Variants in RAPGEF2 observed in about 807,000 individuals in gnomAD.
The protein encoded by RAPGEF2 is PDZ domain containing guanine nucleotide exchange factor (GEF) 1.
RAPGEF2 carries 54 observed loss-of-function variants against 186.7 expected under a neutral mutation model. The ratio of observed to expected loss-of-function variants is 0.29; its 90% CI spans 0.23 to 0.36. RAPGEF2 has a LOEUF of 0.36. RAPGEF2 is among the 10% of genes least tolerant of loss of function. The pLI is 1.00. For synonymous variants in RAPGEF2, 712 were observed against 705.9 expected (o/e 1.01, Z -0.14); for missense variants, 1,532 against 2,045.0 (o/e 0.75, Z 4.84).
At chr4:159,355,757 C>A (rs1731887527) in intron 28 of RAPGEF2, 96 bp from the exon 29 acceptor site, 5 of 1,160,906 alleles carry the variant, frequency 4.3e-6, no homozygotes, top group Non-Finnish European at 6.1e-6. Flanking sequence ...TCTGCTGCTA[C>A]ACTGTGGATG....
chr4:159,206,664 C>T (rs546404051), intron 3 of RAPGEF2, among the ~76,000 whole-genome samples: 146 of 152,300 alleles, frequency 9.6e-4, no homozygotes, highest in Middle Eastern at 6.8e-3. Flanking sequence ...GTACCCCACA[C>T]GGAAACTCTG....
At chr4:159,329,305 G>A (rs1766346258) in intron 11 of RAPGEF2, 1 of 152,290 alleles carries the variant, frequency 6.6e-6, no homozygotes, top group African/African-American at 2.4e-5. Context: ...TAAGGATAAT[G>A]TTTTGAGCTA....
At chr4:159,131,519 A>ATTTTTTTTTT (rs35670450) in intron 1 of RAPGEF2, among the ~76,000 whole-genome samples, 20 of 37,164 alleles carry the variant, frequency 5.4e-4, no homozygotes, top group East Asian at 1.4e-3. Flanking sequence ...ATTAATTGCT[A>ATTTTTTTTTT]TTTTTTTTTT....
At chr4:159,331,355 A>T (rs1464677038) in intron 13 of RAPGEF2, 76 bp from the exon 14 acceptor site, 2 of 788,726 alleles carry the variant, frequency 2.5e-6, no homozygotes, top group Non-Finnish European at 4.1e-6. Context: ...TGAAAGTTGG[A>T]TATCTTTTCT....
chr4:159,316,512 T>TGTGTGTTC (rs1764627650), intron 9 of RAPGEF2, among the ~76,000 whole-genome samples: 1 of 152,178 alleles, frequency 6.6e-6, no homozygotes, highest in Admixed American at 6.5e-5. Flanking sequence ...TGTTCCCCTC[T>TGTGTGTTC]GTGTGTTCAT....
intron 4 of RAPGEF2, among the ~76,000 whole-genome samples, chr4:159,233,519 G>A (rs1310893203): frequency 2.0e-5 from 3 of 152,134 alleles, no homozygotes; most frequent in African/African-American, 4.8e-5. Flanking sequence ...AAGTATCTCA[G>A]GAATGGAAAA....
chr4:159,168,885 C>T (rs1251817509), intron 1 of RAPGEF2, among the ~76,000 whole-genome samples: 2 of 152,178 alleles, frequency 1.3e-5, no homozygotes, highest in African/African-American at 4.8e-5. Context: ...TATCAGCTGG[C>T]AGCAGTGGTA....
chr4:159,317,127 G>T (rs906607211), intron 9 of RAPGEF2, among the ~76,000 whole-genome samples: 1 of 151,924 alleles, frequency 6.6e-6, no homozygotes, highest in Non-Finnish European at 1.5e-5. Context: ...ACATGTATGA[G>T]GAAAAACTTT....
Position 159,208,617 on chromosome 4 carries a change from G to T in RAPGEF2, c.198-1883G>T, listed in dbSNP as rs562807256. 7.0e-4 allele frequency among the ~76,000 whole-genome samples: 107 copies of T among 152,274 alleles called. No individual in the cohort carries two copies. The Middle Eastern group carries it at 0.01, about 15-fold the overall frequency. On this transcript the variant is annotated intron_variant, in intron 3 of 29. Coordinates refer to ENST00000691494, the MANE Select transcript of RAPGEF2 (RefSeq NM_001394067.2). ...GGACTTCCAGTGTTCAGACTATTTT[G>T]TGTGTGAGAAAGAAATGAACTTTGG...
chr4:159,105,853 C>T (rs879287762), intron 1 of RAPGEF2, among the ~76,000 whole-genome samples: 2 of 152,208 alleles, frequency 1.3e-5, no homozygotes, highest in Non-Finnish European at 2.9e-5. Flanking sequence ...ATATTAGAAC[C>T]TAGCAAGGCT....
intron 1 of RAPGEF2, among the ~76,000 whole-genome samples, chr4:159,155,767 CTCT>C (rs1352416792): frequency 2.7e-5 from 4 of 145,622 alleles, no homozygotes; most frequent in African/African-American, 1.1e-4. Flanking sequence ...TCACAATGCA[CTCT>C]TTTTTTTTTT....
chr4:159,333,318 C>G (rs1231186162), intron 17 of RAPGEF2, among the ~76,000 whole-genome samples: 2 of 152,144 alleles, frequency 1.3e-5, no homozygotes, highest in African/African-American at 4.8e-5. Flanking sequence ...TGCCTCCTGT[C>G]TCCTCCATCA....
chr4:159,220,199 A>G (rs1296440614), intron 4 of RAPGEF2, among the ~76,000 whole-genome samples: 1 of 152,208 alleles, frequency 6.6e-6, no homozygotes, highest in Non-Finnish European at 1.5e-5. Flanking sequence ...GAAGTAGAGC[A>G]GGGTGGTGGC....
At chr4:159,316,061 C>T (rs1394396406) in intron 9 of RAPGEF2, among the ~76,000 whole-genome samples, 1 of 152,140 alleles carries the variant, frequency 6.6e-6, no homozygotes, top group East Asian at 1.9e-4. Context: ...ACCGCTAGAC[C>T]ATGGTCCGCC....
intron 1 of RAPGEF2, among the ~76,000 whole-genome samples, chr4:159,146,832 T>C (rs948872541): frequency 1.3e-5 from 2 of 152,224 alleles, no homozygotes; most frequent in African/African-American, 4.8e-5. Context: ...GTGAAAACAT[T>C]GGTACAACCT....
chr4:159,147,983 G>A lies in RAPGEF2; in HGVS notation c.70-38659G>A, dbSNP rs1207952343. ...CTTATTTCTGGCTGAAGAGATTGCAGATAATCTAAAATTTCTTATTTTGTC... is the reference window on the plus strand; with the variant it reads ...CTTATTTCTGGCTGAAGAGATTGCAAATAATCTAAAATTTCTTATTTTGTC... On this transcript the variant is annotated intron_variant, in intron 1 of 29. Transcript: ENST00000691494. Among the ~76,000 whole-genome samples, 6 of 152,164 alleles carry A rather than the reference G, an allele frequency of 3.9e-5. No homozygotes were observed. The South Asian group carries it at 8.3e-4, about 21-fold the overall frequency.
chr4:159,352,889 A>G lies in RAPGEF2; in HGVS notation c.4070A>G (p.Glu1357Gly). The change falls in exon 27 of 30, where the codon GAA becomes GGA. Residue 1357 changes from glutamate (E) to glycine (G), a missense_variant. Glu to Gly is a moderately conservative substitution (Grantham distance 98). Coordinates refer to ENST00000691494, the MANE Select transcript of RAPGEF2 (RefSeq NM_001394067.2). ...MGRMERRTMI[E>G]PDQYSLGSYA... Reference sequence around the variant, plus strand: ...AGGATGGAGAGGCGGACCATGATTGAACCTGATCAGTATAGCTTGGGGTAG... The same window carrying G: ...AGGATGGAGAGGCGGACCATGATTGGACCTGATCAGTATAGCTTGGGGTAG... The G allele has an allele frequency of 2.5e-6, 4 of 1,614,118 alleles. No homozygotes were observed. Among genetic ancestry groups the G allele is most frequent in the Non-Finnish European group, 3.4e-6 (4 of 1,179,984 alleles).
intron 1 of RAPGEF2, among the ~76,000 whole-genome samples, chr4:159,161,953 A>G (rs983794536): frequency 1.3e-5 from 2 of 152,230 alleles, no homozygotes; most frequent in African/African-American, 4.8e-5. Context: ...CTAAACTTTT[A>G]TAGTCTTTTA....
chr4:159,219,611 T>G (rs1454451348), intron 4 of RAPGEF2, among the ~76,000 whole-genome samples: 1 of 152,174 alleles, frequency 6.6e-6, no homozygotes, highest in Non-Finnish European at 1.5e-5. Flanking sequence ...TGCCTCAGCC[T>G]CCCAAAGTGC....
Sources: gnomAD v4.1 joint callset for allele counts (sites outside exome capture counted in the v4.1 genomes callset) on GRCh38, gnomAD v4.1.1 for gene constraint, MANE v1.5 for transcripts, NCBI Gene and HGNC (gene_info 2026-07-23, HGNC 2026-07-21) for gene names.